The following TRMT13 variants were observed in gnomAD, a reference collection of about 807,000 sequenced individuals.
The protein encoded by TRMT13 is tRNA:m(4)X modification enzyme TRM13 homolog.
Under a neutral mutation model 55.9 loss-of-function variants are expected in TRMT13, and 45 were observed. That is an observed-to-expected ratio of 0.80 (90% CI 0.63 to 1.03). The LOEUF (loss-of-function observed/expected upper bound fraction) is 1.03. Ranked by LOEUF, TRMT13 falls within the 50% of genes least tolerant of loss-of-function variation. TRMT13 has a pLI of 0.00. For missense variants in TRMT13, 513 were observed against 563.9 expected (o/e 0.91, Z 0.91); for synonymous variants, 183 against 196.3 (o/e 0.93, Z 0.57).
At chr1:100,147,525 A>T (rs1374477391) in intron 9 of TRMT13, among the ~76,000 whole-genome samples, 1 of 152,100 alleles carries the variant, frequency 6.6e-6, no homozygotes, top group African/African-American at 2.4e-5. Flanking sequence ...TTCCTTTCTT[A>T]AACTAGAATG....
At chr1:100,143,935 T>C in intron 8 of TRMT13, 134 bp from the exon 9 acceptor site, 1 of 686,196 alleles carries the variant, frequency 1.5e-6, no homozygotes, top group Non-Finnish European at 2.5e-6. Flanking sequence ...TATGTTGGGT[T>C]CCATAAAGTG....
intron 10 of TRMT13, 36 bp from the exon 11 acceptor site, chr1:100,148,589 T>C: frequency 6.4e-7 from 1 of 1,569,012 alleles, no homozygotes. Flanking sequence ...TTTTGCAAAA[T>C]TTTAACAATG....
chr1:100,139,298 A>G (rs1314717330), intron 3 of TRMT13, among the ~76,000 whole-genome samples: 1 of 152,266 alleles, frequency 6.6e-6, no homozygotes, highest in African/African-American at 2.4e-5. Flanking sequence ...CAAAATTATT[A>G]CAGTTCTCAG....
intron 9 of TRMT13, among the ~76,000 whole-genome samples, chr1:100,144,991 G>C (rs1657056320): frequency 6.6e-6 from 1 of 151,998 alleles, no homozygotes; most frequent in African/African-American, 2.4e-5. Context: ...ACGATGATTT[G>C]GTCAACAATG....
chr1:100,137,074 A>T lies in TRMT13; in HGVS notation c.250A>T (p.Lys84Ter). 1 of 1,612,338 alleles carries T rather than the reference A, an allele frequency of 6.2e-7. No individual in the cohort carries two copies. Among genetic ancestry groups the T allele is most frequent in the Non-Finnish European group, 8.5e-7 (1 of 1,179,620 alleles). ...KHLKKCNSRE[K>*]PKPDFYIQDI... ...TTTGAAAAAATGTAACTCAAGAGAG[A>T]AACCAAAACCTGTAAGTGTTTGATC... The change falls in exon 3 of 11, where the codon AAA becomes TAA. Residue 84 changes from lysine to a stop codon, truncating the protein, a stop_gained. Coordinates refer to ENST00000370141, the MANE Select transcript of TRMT13 (RefSeq NM_019083.3). LOFTEE classifies it high-confidence loss of function.
At chr1:100,143,930 T>C (rs1656919267) in intron 8 of TRMT13, 139 bp from the exon 9 acceptor site, 1 of 671,654 alleles carries the variant, frequency 1.5e-6, no homozygotes. Context: ...TGTTATATGT[T>C]GGGTTCCATA....
chr1:100,134,639 A>G (rs975379576), intron 1 of TRMT13, among the ~76,000 whole-genome samples: 17 of 152,170 alleles, frequency 1.1e-4, no homozygotes, highest in Admixed American at 9.2e-4. Context: ...TAGTCTATTG[A>G]CTGGTTTTGA....
chr1:100,133,402 A>C (rs986238365), intron 1 of TRMT13, 87 bp downstream of exon 1: 3 of 1,449,938 alleles, frequency 2.1e-6, no homozygotes, highest in African/African-American at 2.8e-5. Flanking sequence ...CCTCTTTGAC[A>C]GCTTTCTGCT....
At chr1:100,148,410 C>A in intron 10 of TRMT13, 84 bp downstream of exon 10, 1 of 1,328,376 alleles carries the variant, frequency 7.5e-7, no homozygotes, top group African/African-American at 1.5e-5. Context: ...ATCAACAATT[C>A]ATGAAAATGT....
chr1:100,136,058 A>G (rs75735200), intron 1 of TRMT13, among the ~76,000 whole-genome samples: 2 of 152,206 alleles, frequency 1.3e-5, no homozygotes, highest in East Asian at 3.9e-4. Flanking sequence ...TATACTATCT[A>G]GGTTTGTGTT....
At chr1:100,139,399 C>A (rs1459150923) in intron 3 of TRMT13, among the ~76,000 whole-genome samples, 1 of 152,136 alleles carries the variant, frequency 6.6e-6, no homozygotes, top group Non-Finnish European at 1.5e-5. Flanking sequence ...AGATAATCAC[C>A]TCACTAGAAT....
chr1:100,140,273 A>G, intron 5 of TRMT13, 22 bp downstream of exon 5: 1 of 1,605,136 alleles, frequency 6.2e-7, no homozygotes, highest in East Asian at 2.2e-5. Context: ...TAAAGTTGCA[A>G]GTTCAATTAT....
chr1:100,141,015 T>C lies in TRMT13; in HGVS notation c.665T>C (p.Phe222Ser). ...CTAGTGGAAAAGGTGACCACAAGAT[T>C]CAAGGTAAGTGAAACCATTGCTCTG... The part of the protein sequence containing the change: ...FILVEKVTTR[F>S]KVDGKHRKKN... Residue 222 changes from phenylalanine to serine, a missense_variant, in exon 7 of 11, where the codon TTC (phenylalanine) becomes TCC (serine). Around this residue, in one of 3 missense-constraint regions of TRMT13, gnomAD observed 298 missense variants for 290.3 expected, o/e 1.03. Transcript: ENST00000370141. The C allele has an allele frequency of 6.2e-7, 1 of 1,611,248 alleles. No homozygotes were observed. Among genetic ancestry groups the C allele is most frequent in the Non-Finnish European group, 8.5e-7 (1 of 1,178,566 alleles).
At position 100,140,442 on chromosome 1, in the gene TRMT13, C is replaced by T; in HGVS notation, c.429C>T (p.Ser143=). ...CTACACTTAAAGATCATATTATGTC[C>T]CATCCAGCATTACACGATGCACTTA... ...LNSTLKDHIM[S]HPALHDALND... The change falls in exon 6 of 11, where the codon TCC becomes TCT. Residue 143 remains serine, a synonymous_variant. Transcript: ENST00000370141. 1 of 1,613,824 alleles carries T rather than the reference C, an allele frequency of 6.2e-7. No homozygotes were observed. Among genetic ancestry groups the T allele is most frequent in the Non-Finnish European group, 8.5e-7 (1 of 1,179,908 alleles).
chr1:100,145,951 A>G (rs1411195035), intron 9 of TRMT13, among the ~76,000 whole-genome samples: 2 of 152,252 alleles, frequency 1.3e-5, no homozygotes, highest in Non-Finnish European at 2.9e-5. Context: ...TTCCTGATAT[A>G]GTCCAAACTC....
chr1:100,147,823 T>C (rs1430650595), intron 9 of TRMT13, 71 bp from the exon 10 acceptor site: 5 of 1,421,712 alleles, frequency 3.5e-6, no homozygotes, highest in Non-Finnish European at 3.8e-6. Context: ...ACAGTACTGC[T>C]TAATAAATGT....
In TRMT13 at chr1:100,140,234, T is replaced by A; in HGVS notation, c.377T>A (p.Leu126Ter). Residue 126 changes from leucine (L) to a stop codon, truncating the protein, a stop_gained, in exon 5 of 11, where the codon TTG becomes TAG. Transcript: ENST00000370141. LOFTEE classifies it high-confidence loss of function. Reference sequence around the variant, plus strand: ...CAGTTGGAAAAGTTAATTAAGAAATTGAGAAAAGCAAGTGAAGGTAAGACT... The same window carrying A: ...CAGTTGGAAAAGTTAATTAAGAAATAGAGAAAAGCAAGTGAAGGTAAGACT... ...EEQLEKLIKKLRKASEGLNST... is the reference protein window; with the variant it reads ...EEQLEKLIKK 6.2e-7 allele frequency: 1 copy of A among 1,612,964 alleles called. No homozygotes were observed. The highest frequency in any genetic ancestry group is 8.5e-7 in the Non-Finnish European group (1 of 1,179,486).
rs758094259 is a variant in TRMT13 at position 100,133,197 on chromosome 1, C to G, written c.29C>G (p.Ala10Gly). 6 of 1,613,990 alleles carry G rather than the reference C, an allele frequency of 3.7e-6. No individual in the cohort carries two copies. In the South Asian group the frequency reaches 5.5e-5, roughly 15 times the overall value. The change falls in exon 1 of 11, where the codon GCG becomes GGG. Residue 10 changes from alanine to glycine, a missense_variant. Around this residue, in one of 3 missense-constraint regions of TRMT13, gnomAD observed 298 missense variants for 290.3 expected, o/e 1.03. Coordinates refer to ENST00000370141, the MANE Select transcript of TRMT13 (RefSeq NM_019083.3). ...GCGACCTCCGCGACGTCGCCGCACG[C>G]GCCTGGTTTTCCAGCTGAGGGTAGA... MATSATSPH[A>G]PGFPAEGRCG...
In TRMT13 at chr1:100,149,217, G is replaced by C. The variant is rs1657701142; in HGVS notation, c.*397G>C. ...TTATTTCTTAAGTTCAAGAGGTAGT[G>C]ATTGATTGTAACAAGGGCCAATCTG... On this transcript the variant is annotated 3_prime_UTR_variant, in exon 11 of 11. Transcript: ENST00000370141. The C allele has an allele frequency of 1.3e-6, 2 of 1,492,410 alleles. No homozygotes were observed. The highest frequency in any genetic ancestry group is 1.4e-5 in the African/African-American group (1 of 69,450). 92.4% of individuals were successfully genotyped at this position (1,492,410 alleles called of 1,614,324 possible).
Sources: allele counts gnomAD v4.1 joint callset (sites outside exome capture counted in the v4.1 genomes callset), GRCh38; gene constraint gnomAD v4.1.1; regional missense constraint gnomAD v4.1.1; transcripts MANE v1.5; gene names NCBI Gene and HGNC (gene_info 2026-07-23, HGNC 2026-07-21).